Variants in TENM3 observed in about 807,000 individuals in gnomAD.
TENM3 encodes teneurin-3.
TENM3 carries 63 observed loss-of-function variants against 255.1 expected under a neutral mutation model. The ratio of observed to expected loss-of-function variants is 0.25; its 90% CI spans 0.20 to 0.30. TENM3 has a LOEUF of 0.30. Among genes scored for constraint, TENM3 ranks in the 10% least tolerant of loss-of-function variants. The pLI is 1.00. For missense variants in TENM3, 2,929 were observed against 3,461.1 expected (o/e 0.85, Z 3.86); for synonymous variants, 1,306 against 1,322.3 (o/e 0.99, Z 0.27).
intron 3 of TENM3, among the ~76,000 whole-genome samples, chr4:182,497,639 AATC>A (rs1735903049): frequency 6.6e-6 from 1 of 152,102 alleles, no homozygotes; most frequent in South Asian, 2.1e-4. Context: ...TTAGAGGACT[AATC>A]ATAGGCAACC....
At chr4:182,379,417 G>T (rs1195257219) in intron 3 of TENM3, among the ~76,000 whole-genome samples, 3 of 152,156 alleles carry the variant, frequency 2.0e-5, no homozygotes, top group Non-Finnish European at 4.4e-5. Flanking sequence ...AGGGAAAAGG[G>T]ACTGTTTTGA....
chr4:181,633,249 T>C, the TENM3 span, among the ~76,000 whole-genome samples: 1 of 152,122 alleles, frequency 6.6e-6, no homozygotes, highest in East Asian at 1.9e-4. Context: ...TATTTTAAAA[T>C]TCAAAGGCAA....
At chr4:182,621,554 G>A (rs1197597158) in intron 4 of TENM3, among the ~76,000 whole-genome samples, 2 of 138,102 alleles carry the variant, frequency 1.4e-5, no homozygotes, top group Admixed American at 7.6e-5. Context: ...CTTAAGGGTA[G>A]GAGATTGAGG....
At chr4:181,967,642 G>A in the TENM3 span, among the ~76,000 whole-genome samples, 9 of 152,082 alleles carry the variant, frequency 5.9e-5, no homozygotes, top group Non-Finnish European at 1.0e-4. Flanking sequence ...GCTACGGGCT[G>A]ATGATTTCTT....
At chr4:181,585,001 G>A in the TENM3 span, among the ~76,000 whole-genome samples, 1 of 25,308 alleles carries the variant, frequency 4.0e-5, no homozygotes, top group African/African-American at 1.1e-4. Context: ...CGTATCCAGT[G>A]GCAAAAAAAA....
intron 12 of TENM3, among the ~76,000 whole-genome samples, chr4:182,706,484 CAG>C (rs1227031794): frequency 6.6e-6 from 1 of 152,078 alleles, no homozygotes; most frequent in Non-Finnish European, 1.5e-5. Flanking sequence ...GGGTGAAGGA[CAG>C]GGGAAGGATG....
At chr4:181,581,021 G>A in the TENM3 span, among the ~76,000 whole-genome samples, 1 of 152,108 alleles carries the variant, frequency 6.6e-6, no homozygotes, top group South Asian at 2.1e-4. Flanking sequence ...TACAACCAGG[G>A]ACAGATCATT....
intron 3 of TENM3, among the ~76,000 whole-genome samples, chr4:182,495,650 C>T (rs991137143): frequency 2.2e-4 from 34 of 152,156 alleles, no homozygotes; most frequent in African/African-American, 6.8e-4. Context: ...GATTTCCCCC[C>T]GTAGTGCTGC....
chr4:181,473,136 C>T, the TENM3 span, among the ~76,000 whole-genome samples: 1 of 151,940 alleles, frequency 6.6e-6, no homozygotes, highest in Non-Finnish European at 1.5e-5. Context: ...TTTCATTAAA[C>T]AATATTTTAA....
At chr4:181,511,438 CAGA>C in the TENM3 span, among the ~76,000 whole-genome samples, 1 of 152,114 alleles carries the variant, frequency 6.6e-6, no homozygotes, top group African/African-American at 2.4e-5. Flanking sequence ...AGGAGGAGGA[CAGA>C]AGGAGCTCAT....
the TENM3 span, among the ~76,000 whole-genome samples, chr4:181,868,835 A>G: frequency 6.6e-6 from 1 of 152,264 alleles, no homozygotes; most frequent in Middle Eastern, 3.4e-3. Flanking sequence ...GCATTTCTTT[A>G]TTTCAAGAAA....
chr4:182,328,365 G>A (rs58813141), intron 2 of TENM3, among the ~76,000 whole-genome samples: 265 of 152,134 alleles, frequency 1.7e-3, no homozygotes, highest in African/African-American at 6.2e-3. Context: ...ATAGGCGCCT[G>A]CCACTACGCC....
chr4:181,548,004 CTGTGTCTA>C, the TENM3 span, among the ~76,000 whole-genome samples: 3 of 151,952 alleles, frequency 2.0e-5, no homozygotes, highest in Non-Finnish European at 2.9e-5. Flanking sequence ...GTTCCCCTTC[CTGTGTCTA>C]TGTGTTCTCA....
intron 22 of TENM3, among the ~76,000 whole-genome samples, chr4:182,762,384 C>T (rs1191086623): frequency 2.6e-5 from 4 of 152,158 alleles, no homozygotes; most frequent in East Asian, 1.9e-4. Context: ...TTCCCTTACA[C>T]GGTGATTGTC....
chr4:181,898,153 T>C, the TENM3 span, among the ~76,000 whole-genome samples: 1 of 152,086 alleles, frequency 6.6e-6, no homozygotes, highest in African/African-American at 2.4e-5. Flanking sequence ...AAAGAGAAAA[T>C]GGAAAAGGAT....
the TENM3 span, among the ~76,000 whole-genome samples, chr4:181,482,074 T>C: frequency 6.6e-6 from 1 of 152,246 alleles, no homozygotes; most frequent in East Asian, 1.9e-4. Flanking sequence ...CTTCACATTA[T>C]AGGAAAAAGT....
the TENM3 span, among the ~76,000 whole-genome samples, chr4:181,803,978 AAAG>A: frequency 4.0e-5 from 6 of 148,520 alleles, no homozygotes; most frequent in African/African-American, 1.5e-4. Flanking sequence ...AAAAGAAAGG[AAAG>A]AAAGAAAGAA....
the TENM3 span, among the ~76,000 whole-genome samples, chr4:181,662,222 A>T: frequency 4.6e-5 from 7 of 152,202 alleles, no homozygotes; most frequent in Non-Finnish European, 8.8e-5. Context: ...GAATAATTGT[A>T]CTTCAGATCT....
At chr4:182,017,109 C>A in the TENM3 span, among the ~76,000 whole-genome samples, 1 of 152,210 alleles carries the variant, frequency 6.6e-6, no homozygotes, top group Non-Finnish European at 1.5e-5. Context: ...GACCACAGAG[C>A]GACTTAGCTG....
Sources: allele counts gnomAD v4.1 joint callset (sites outside exome capture counted in the v4.1 genomes callset), GRCh38; gene constraint gnomAD v4.1.1; transcripts MANE v1.5; gene names NCBI Gene and HGNC (gene_info 2026-07-23, HGNC 2026-07-21).